The following ATP2B2 variants were observed in gnomAD, a reference collection of about 807,000 sequenced individuals.
The protein encoded by ATP2B2 is ATPase plasma membrane Ca2+ transporting 2.
ATP2B2 carries 15 observed loss-of-function variants against 120.0 expected under a neutral mutation model. That is an observed-to-expected ratio of 0.12 (90% CI 0.08 to 0.19). The LOEUF is 0.19. Among genes scored for constraint, ATP2B2 ranks in the 10% least tolerant of loss-of-function variants. ATP2B2 has a pLI of 1.00. For missense variants in ATP2B2, 1,045 were observed against 1,719.8 expected (o/e 0.61, Z 6.94); for synonymous variants, 694 against 700.3 (o/e 0.99, Z 0.14).
intron 14 of ATP2B2, among the ~76,000 whole-genome samples, chr3:10,350,789 T>C (rs928686607): frequency 6.6e-6 from 1 of 152,244 alleles, no homozygotes; most frequent in Non-Finnish European, 1.5e-5. Context: ...CATCCTTTGA[T>C]TAAACCCTGA....
Position 10,350,589 on chromosome 3 carries a change from G to A in ATP2B2, c.2137-12C>T. ...ATGGCTTCTGGGACCTGGGCAGGAGGGCAGGGGCCATGGGGGAGGGCACCA... is the reference window on the plus strand; with the variant it reads ...ATGGCTTCTGGGACCTGGGCAGGAGAGCAGGGGCCATGGGGGAGGGCACCA... On this transcript the variant is annotated splice_polypyrimidine_tract_variant and intron_variant, in intron 14 of 22. Coordinates refer to ENST00000360273, the MANE Select transcript of ATP2B2 (RefSeq NM_001001331.4). 6.2e-7 allele frequency: 1 copy of A among 1,610,004 alleles called. No individual in the cohort carries two copies.
intron 1 of ATP2B2, among the ~76,000 whole-genome samples, chr3:10,687,513 T>C (rs2071551996): frequency 6.6e-6 from 1 of 152,150 alleles, no homozygotes; most frequent in South Asian, 2.1e-4. Flanking sequence ...CTAAGCAGAC[T>C]TTCAAATTTT....
At chr3:10,696,486 C>G (rs761966197) in intron 1 of ATP2B2, among the ~76,000 whole-genome samples, 2 of 152,160 alleles carry the variant, frequency 1.3e-5, no homozygotes, top group African/African-American at 2.4e-5. Flanking sequence ...TTGGTTTCAG[C>G]CTTTCCTCTC....
intron 1 of ATP2B2, among the ~76,000 whole-genome samples, chr3:10,474,601 G>C (rs1224082549): frequency 6.6e-6 from 1 of 152,182 alleles, no homozygotes; most frequent in Non-Finnish European, 1.5e-5. Context: ...CTCAGAACAA[G>C]GTTCAAAATC....
At chr3:10,555,141 A>G (rs990741552) in intron 2 of ATP2B2, among the ~76,000 whole-genome samples, 3 of 152,176 alleles carry the variant, frequency 2.0e-5, no homozygotes, top group Admixed American at 6.5e-5. Flanking sequence ...TGGGAATAGC[A>G]CCTTCCACAT....
At chr3:10,386,860 C>T (rs555175346) in intron 6 of ATP2B2, among the ~76,000 whole-genome samples, 58 of 152,348 alleles carry the variant, frequency 3.8e-4, no homozygotes, top group African/African-American at 1.3e-3. Flanking sequence ...GGTGCATGCT[C>T]AGCGAAGGAC....
chr3:10,488,987 C>A (rs1472023086), intron 1 of ATP2B2, among the ~76,000 whole-genome samples: 1 of 152,202 alleles, frequency 6.6e-6, no homozygotes, highest in Non-Finnish European at 1.5e-5. Flanking sequence ...AACTTGTCAG[C>A]TCTCTGAATT....
chr3:10,533,310 T>C (rs111391895), intron 3 of ATP2B2, among the ~76,000 whole-genome samples: 8 of 152,304 alleles, frequency 5.3e-5, no homozygotes, highest in African/African-American at 1.7e-4. Context: ...TTAACTAACA[T>C]GCATCATGCA....
intron 1 of ATP2B2, among the ~76,000 whole-genome samples, chr3:10,492,902 A>G (rs76517555): frequency 0.012 from 1,902 of 152,250 alleles, 15 homozygotes; most frequent in Middle Eastern, 0.024. Context: ...ATGGCTTTCA[A>G]AGGACATTTT....
chr3:10,648,569 T>C (rs2070377969), intron 1 of ATP2B2, among the ~76,000 whole-genome samples: 1 of 152,202 alleles, frequency 6.6e-6, no homozygotes, highest in South Asian at 2.1e-4. Flanking sequence ...TATTTCCACC[T>C]GGACAACTCA....
intron 1 of ATP2B2, among the ~76,000 whole-genome samples, chr3:10,687,484 A>G (rs2071550947): frequency 6.6e-6 from 1 of 152,222 alleles, no homozygotes; most frequent in South Asian, 2.1e-4. Flanking sequence ...TCTGGGAACA[A>G]CTTTGGAGAA....
intron 1 of ATP2B2, among the ~76,000 whole-genome samples, chr3:10,657,541 G>A (rs2070665930): frequency 6.6e-6 from 1 of 152,250 alleles, no homozygotes; most frequent in Non-Finnish European, 1.5e-5. Context: ...GCGGCAGCGA[G>A]GCTTGGGGAG....
At position 10,324,205 on chromosome 3, in the gene ATP2B2, A is replaced by C. The variant is rs1267776882; in HGVS notation, c.*4609T>G. On this transcript the variant is annotated 3_prime_UTR_variant, in exon 23 of 23. Coordinates refer to ENST00000360273, the MANE Select transcript of ATP2B2 (RefSeq NM_001001331.4). ...CCCCAGAGCCCGGGCAGCTTACGGA[A>C]GCTGGAGGCGGCACCATTCCCTCGC... The C allele has an allele frequency of 6.6e-6, 1 of 152,106 alleles. No individual in the cohort carries two copies. The highest frequency in any genetic ancestry group is 1.5e-5 in the Non-Finnish European group (1 of 68,042). 9.4% of individuals were successfully genotyped at this position (152,106 alleles called of 1,614,324 possible).
At chr3:10,702,676 T>A (rs2071836152) in intron 1 of ATP2B2, among the ~76,000 whole-genome samples, 1 of 152,212 alleles carries the variant, frequency 6.6e-6, no homozygotes, top group South Asian at 2.1e-4. Flanking sequence ...CAGCACAATC[T>A]TTGGTCATTT....
At chr3:10,485,570 C>T (rs1422796659) in intron 1 of ATP2B2, among the ~76,000 whole-genome samples, 2 of 152,196 alleles carry the variant, frequency 1.3e-5, no homozygotes, top group Non-Finnish European at 2.9e-5. Context: ...CTAAAGCAGG[C>T]CCCTGTGAAT....
intron 2 of ATP2B2, among the ~76,000 whole-genome samples, chr3:10,578,585 T>C (rs529116070): frequency 3.0e-4 from 46 of 151,704 alleles, no homozygotes; most frequent in African/African-American, 1.1e-3. Context: ...TATATGTATA[T>C]GACCACCAAA....
At chr3:10,513,307 G>A (rs574306979) in intron 3 of ATP2B2, among the ~76,000 whole-genome samples, 1 of 152,114 alleles carries the variant, frequency 6.6e-6, no homozygotes, top group Non-Finnish European at 1.5e-5. Context: ...GGTGTGGCTT[G>A]TGCAAAGGCC....
At chr3:10,475,204 A>G (rs1434609429) in intron 1 of ATP2B2, among the ~76,000 whole-genome samples, 1 of 152,254 alleles carries the variant, frequency 6.6e-6, no homozygotes, top group Non-Finnish European at 1.5e-5. Flanking sequence ...AAAAGCAAGA[A>G]AAAGAGCAAT....
intron 1 of ATP2B2, among the ~76,000 whole-genome samples, chr3:10,492,404 A>G (rs188945720): frequency 1.3e-5 from 2 of 152,318 alleles, no homozygotes; most frequent in African/African-American, 4.8e-5. Context: ...GTGGAGCCAC[A>G]AACAATGCGA....
Sources: allele counts gnomAD v4.1 joint callset (sites outside exome capture counted in the v4.1 genomes callset), GRCh38; gene constraint gnomAD v4.1.1; transcripts MANE v1.5; gene names NCBI Gene and HGNC (gene_info 2026-07-23, HGNC 2026-07-21).